Variants in DMD observed in about 807,000 individuals in gnomAD.
DMD encodes the protein mutant dystrophin.
Under a neutral mutation model 330.1 loss-of-function variants are expected in DMD, and 63 were observed. The observed-to-expected ratio is 0.19, with a 90% confidence interval of 0.16 to 0.24. The LOEUF is 0.24. Ranked by LOEUF, DMD falls within the 10% of genes least tolerant of loss-of-function variation. The pLI, the probability that DMD is intolerant of heterozygous loss-of-function variation, is 1.00. For missense variants in DMD, 3,344 were observed against 2,684.1 expected (o/e 1.25, Z -5.43); for synonymous variants, 1,223 against 959.8 (o/e 1.27, Z -5.07).
chrX:31,697,951 A>G (rs1000481823), intron 52 of DMD, among the ~76,000 whole-genome samples: 1 of 112,235 alleles, frequency 8.9e-6, no homozygotes, highest in African/African-American at 3.2e-5. Context: ...AAACTGAAAT[A>G]ATGACAACTG....
intron 1 of DMD, among the ~76,000 whole-genome samples, chrX:33,105,874 G>A (rs1024674362): frequency 9.0e-6 from 1 of 111,545 alleles, no homozygotes; most frequent in Non-Finnish European, 1.9e-5. Context: ...ATTTCTCAAA[G>A]AACTAGAAGT....
Position 31,180,442 on chromosome X carries a change from T to C in DMD, c.10014A>G (p.Gln3338=), listed in dbSNP as rs753610550. ...CAACTCGACCAGAAAAAAAGCAGCT[T>C]TGGCAGATGTCATAATTAAAGTGCT... The part of the protein sequence containing the change: ...SLKHFNYDIC[Q]SCFFSGRVAK... Residue 3338 remains glutamine, a synonymous_variant, in exon 69 of 79, where the codon CAA becomes CAG. Transcript: ENST00000357033. 5.0e-6 allele frequency: 6 copies of C among 1,209,026 alleles called. No individual in the cohort carries two copies. The East Asian group carries it at 1.8e-4, about 36-fold the overall frequency.
chrX:33,238,698 G>A (rs1201797940), intron 1 of DMD, among the ~76,000 whole-genome samples: 1 of 111,417 alleles, frequency 9.0e-6, no homozygotes, highest in African/African-American at 3.3e-5. Flanking sequence ...TAAGTTTTTT[G>A]TCCAAAGCTA....
At chrX:32,526,176 T>C (rs1442332732) in intron 17 of DMD, among the ~76,000 whole-genome samples, 1 of 112,099 alleles carries the variant, frequency 8.9e-6, no homozygotes, top group Non-Finnish European at 1.9e-5. Flanking sequence ...TAACTTTACC[T>C]AGCTTAAAAT....
intron 9 of DMD, among the ~76,000 whole-genome samples, chrX:32,660,010 G>T (rs1366589463): frequency 2.7e-5 from 3 of 110,857 alleles, no homozygotes; most frequent in Non-Finnish European, 5.7e-5. Flanking sequence ...TATCCTGTTG[G>T]CTGAAAGCAG....
intron 41 of DMD, among the ~76,000 whole-genome samples, chrX:32,322,495 G>C (rs1430140647): frequency 1.8e-5 from 2 of 110,929 alleles, no homozygotes; most frequent in Non-Finnish European, 3.8e-5. Flanking sequence ...CCTAGGAGTT[G>C]GTGGCTGCAG....
intron 55 of DMD, chrX:31,508,440 G>T (rs2071170436): frequency 3.5e-5 from 12 of 341,354 alleles, no homozygotes; most frequent in Non-Finnish European, 6.2e-5. Context: ...CAGGCGTGTG[G>T]ATGTGGGAGG....
chrX:32,525,898 C>T (rs2046890160), intron 17 of DMD, among the ~76,000 whole-genome samples: 1 of 111,892 alleles, frequency 8.9e-6, no homozygotes, highest in Non-Finnish European at 1.9e-5. Context: ...ATTTTCAATG[C>T]CATATTCAAC....
chrX:31,809,647 A>C (rs2092401842), intron 50 of DMD, among the ~76,000 whole-genome samples: 1 of 111,262 alleles, frequency 9.0e-6, no homozygotes, highest in African/African-American at 3.3e-5. Context: ...AACCTTATGA[A>C]TTTTAAGAGG....
intron 2 of DMD, among the ~76,000 whole-genome samples, chrX:32,873,683 A>G (rs765124910): frequency 2.7e-5 from 3 of 112,410 alleles, no homozygotes; most frequent in African/African-American, 9.7e-5. Context: ...ATGCAAACAT[A>G]AAATGATAAC....
At chrX:32,870,974 AAAAAAAAAAAAAAAC>A (rs1284611932) in intron 2 of DMD, among the ~76,000 whole-genome samples, 1 of 78,178 alleles carries the variant, frequency 1.3e-5, no homozygotes, top group East Asian at 3.6e-4. Flanking sequence ...AAAAAAAAAA[AAAAAAAAAAAAAAAC>A]CACAAAACCC....
At chrX:32,703,432 A>G (rs2064317550) in intron 7 of DMD, among the ~76,000 whole-genome samples, 1 of 111,831 alleles carries the variant, frequency 8.9e-6, no homozygotes, top group Admixed American at 9.6e-5. Context: ...GACCATTTGT[A>G]TACTATTAAC....
At chrX:31,364,642 T>G (rs2059133001) in intron 60 of DMD, among the ~76,000 whole-genome samples, 1 of 112,257 alleles carries the variant, frequency 8.9e-6, no homozygotes, top group Non-Finnish European at 1.9e-5. Context: ...CGTATTTAAG[T>G]TGCTCAAGAA....
chrX:31,302,059 T>C (rs1377607694), intron 62 of DMD, among the ~76,000 whole-genome samples: 3 of 112,307 alleles, frequency 2.7e-5, no homozygotes, highest in Admixed American at 9.5e-5. Flanking sequence ...AAGTCTCTGG[T>C]GGCCACAGCA....
intron 2 of DMD, among the ~76,000 whole-genome samples, chrX:33,004,476 A>G (rs1260436828): frequency 8.9e-6 from 1 of 111,801 alleles, no homozygotes; most frequent in Non-Finnish European, 1.9e-5. Context: ...TATTTTTACA[A>G]AACACATTTT....
chrX:33,076,677 TG>T (rs2094846843), intron 1 of DMD, among the ~76,000 whole-genome samples: 1 of 112,053 alleles, frequency 8.9e-6, no homozygotes. Context: ...CTAAGGCTTT[TG>T]GTTATGTATA....
At position 33,324,099 on chromosome X, in the gene DMD, T is replaced by C. The variant is rs751766717; in HGVS notation, c.7+15160A>G. On this transcript the variant is annotated intron_variant, in intron 1 of 17. Transcript: ENST00000288447. ...ATATAAAATTAAATGAGGAAAACTA[T>C]TAATAATAAAATATCATGTTGTCTT... 3.9e-4 allele frequency among the ~76,000 whole-genome samples: 44 copies of C among 111,715 alleles called. 1 individual carries two copies. In the South Asian group the frequency reaches 0.016, roughly 42 times the overall value.
intron 11 of DMD, among the ~76,000 whole-genome samples, chrX:32,627,513 T>C (rs1310344126): frequency 2.1e-5 from 2 of 96,445 alleles, no homozygotes; most frequent in African/African-American, 1.2e-4. Flanking sequence ...ATTAATCCTA[T>C]TGATTCAGCA....
chrX:33,251,632 T>C (rs1034874828), intron 1 of DMD, among the ~76,000 whole-genome samples: 3 of 112,150 alleles, frequency 2.7e-5, no homozygotes, highest in African/African-American at 9.7e-5. Flanking sequence ...ATGCAATAGA[T>C]ATATGACCAT....
Sources: gnomAD v4.1 joint callset for allele counts (sites outside exome capture counted in the v4.1 genomes callset) on GRCh38, gnomAD v4.1.1 for gene constraint, MANE v1.5 for transcripts, NCBI Gene and HGNC (gene_info 2026-07-23, HGNC 2026-07-21) for gene names.